GRIA4: variants seen among roughly 807,000 people sequenced by gnomAD.
GRIA4 encodes the protein glutamate receptor 4.
GRIA4 carries 34 observed loss-of-function variants against 104.0 expected under a neutral mutation model. The ratio of observed to expected loss-of-function variants is 0.33; its 90% CI spans 0.25 to 0.44. The LOEUF (loss-of-function observed/expected upper bound fraction) is 0.44, where lower values mean the gene tolerates loss of function less well. Ranked by LOEUF, GRIA4 falls within the 20% of genes least tolerant of loss-of-function variation. The pLI is 1.00. For missense variants in GRIA4, 750 were observed against 1,096.5 expected, an observed-to-expected ratio of 0.68 and a Z score of 4.46; for synonymous variants, 386 against 381.9, an observed-to-expected ratio of 1.01 and a Z score of -0.13.
At chr11:105,939,708 A>G (rs1487987689) in intron 14 of GRIA4, among the ~76,000 whole-genome samples, 1 of 152,208 alleles carries the variant, frequency 6.6e-6, no homozygotes, top group Non-Finnish European at 1.5e-5. Flanking sequence ...CATGACTTCT[A>G]TAAAGTGGCT....
intron 3 of GRIA4, among the ~76,000 whole-genome samples, chr11:105,648,995 C>T (rs1951612162): frequency 6.6e-6 from 1 of 152,170 alleles, no homozygotes; most frequent in Admixed American, 6.6e-5. Flanking sequence ...GTCCATTGCT[C>T]ATCACCTTCA....
intron 6 of GRIA4, among the ~76,000 whole-genome samples, chr11:105,896,094 T>C (rs949868825): frequency 2.0e-5 from 3 of 152,212 alleles, no homozygotes. Flanking sequence ...CAACATCTGC[T>C]ATTTCTTGAG....
intron 4 of GRIA4, among the ~76,000 whole-genome samples, chr11:105,772,297 TGTC>T (rs1319289667): frequency 1.3e-5 from 2 of 152,138 alleles, no homozygotes; most frequent in African/African-American, 4.8e-5. Flanking sequence ...GGCATAGAAA[TGTC>T]GTGACATTAC....
At chr11:105,924,884 A>G in intron 12 of GRIA4, 115 bp downstream of exon 12, 2 of 783,782 alleles carry the variant, frequency 2.6e-6, no homozygotes, top group Non-Finnish European at 4.0e-6. Flanking sequence ...GAAACACAGA[A>G]AAAGACTTGC....
intron 14 of GRIA4, among the ~76,000 whole-genome samples, chr11:105,946,218 T>A (rs1948308196): frequency 6.6e-6 from 1 of 152,224 alleles, no homozygotes; most frequent in Admixed American, 6.5e-5. Flanking sequence ...AAATCATTAG[T>A]ATTTCCTGAC....
chr11:105,859,935 A>G (rs1277531655), intron 4 of GRIA4, among the ~76,000 whole-genome samples: 1 of 152,150 alleles, frequency 6.6e-6, no homozygotes, highest in Non-Finnish European at 1.5e-5. Flanking sequence ...GCATGAACAT[A>G]TATATTAAGG....
chr11:105,829,229 C>A (rs1301675764), intron 4 of GRIA4, among the ~76,000 whole-genome samples: 1 of 151,892 alleles, frequency 6.6e-6, no homozygotes, highest in Non-Finnish European at 1.5e-5. Flanking sequence ...AGGCAGAGAG[C>A]CTTGAACTGA....
At chr11:105,936,254 A>G (rs1948032071) in intron 14 of GRIA4, among the ~76,000 whole-genome samples, 1 of 152,224 alleles carries the variant, frequency 6.6e-6, no homozygotes, top group Non-Finnish European at 1.5e-5. Context: ...CACCTTCTGT[A>G]TAAATGATTT....
rs771098071 is a variant in GRIA4 at position 105,910,555 on chromosome 11, G to T, written c.1269+10G>T. The T allele has an allele frequency of 4.5e-6, 6 of 1,342,170 alleles. No homozygotes were observed. Among genetic ancestry groups the T allele is most frequent in the Non-Finnish European group, 5.4e-6 (5 of 931,792 alleles). The allele number at this position is 1,342,170 out of a possible 1,614,324, so 83.1% of individuals were successfully genotyped here. ...TGTAACCACAATTATGGTAAGTGTT[G>T]GTCTATGCTTTATGGTGTTCCGTTT... On this transcript the variant is annotated intron_variant, in intron 10 of 16. Coordinates refer to ENST00000282499, the MANE Select transcript of GRIA4 (RefSeq NM_000829.4).
At chr11:105,970,826 C>T (rs1027510319) in intron 14 of GRIA4, among the ~76,000 whole-genome samples, 3 of 152,138 alleles carry the variant, frequency 2.0e-5, no homozygotes, top group African/African-American at 4.8e-5. Flanking sequence ...AACAAAAGAT[C>T]CTGAAACTTT....
chr11:105,805,745 T>A (rs968805050), intron 4 of GRIA4, among the ~76,000 whole-genome samples: 1 of 151,886 alleles, frequency 6.6e-6, no homozygotes, highest in African/African-American at 2.4e-5. Context: ...ACATTTCCAT[T>A]TTAGTAAGGA....
At chr11:105,636,651 A>T (rs1162770664) in intron 3 of GRIA4, among the ~76,000 whole-genome samples, 1 of 152,188 alleles carries the variant, frequency 6.6e-6, no homozygotes, top group African/African-American at 2.4e-5. Context: ...ATGCAGCCAT[A>T]TGGTGATACT....
intron 3 of GRIA4, among the ~76,000 whole-genome samples, chr11:105,743,764 C>T (rs778073557): frequency 6.6e-6 from 1 of 152,178 alleles, no homozygotes. Context: ...CAGGCTATCA[C>T]CCAAGGTGAT....
At chr11:105,648,000 A>G (rs1166344813) in intron 3 of GRIA4, among the ~76,000 whole-genome samples, 6 of 151,974 alleles carry the variant, frequency 3.9e-5, no homozygotes, top group Non-Finnish European at 8.8e-5. Flanking sequence ...ATAGTCATAA[A>G]TTACTAATGA....
At chr11:105,917,815 GGTGTGTGTGTGT>G (rs147308478) in intron 10 of GRIA4, among the ~76,000 whole-genome samples, 9 of 142,780 alleles carry the variant, frequency 6.3e-5, no homozygotes, top group Admixed American at 1.4e-4. Context: ...TTGGTTTAAG[GGTGTGTGTGTGT>G]GTGTGTGTGT....
Position 105,769,766 on chromosome 11 carries a change from C to G in GRIA4, c.487+16546C>G, listed in dbSNP as rs191984842. Among the ~76,000 whole-genome samples, 8 of 152,104 alleles carry G rather than the reference C, an allele frequency of 5.3e-5. No individual in the cohort carries two copies. The East Asian group carries it at 1.5e-3, about 29-fold the overall frequency. On this transcript the variant is annotated intron_variant, in intron 4 of 16. Coordinates refer to ENST00000282499, the MANE Select transcript of GRIA4 (RefSeq NM_000829.4). ...ACTAACCAGGAAAGTCACAATGTGA[C>G]ACATGAACAAGTGAAAATGAGCATA...
At chr11:105,742,957 G>C (rs1939407470) in intron 3 of GRIA4, among the ~76,000 whole-genome samples, 1 of 151,958 alleles carries the variant, frequency 6.6e-6, no homozygotes, top group Non-Finnish European at 1.5e-5. Context: ...GGCTGGTCTC[G>C]GACTCCTGGC....
At chr11:105,614,796 G>C (rs894496147) in intron 3 of GRIA4, among the ~76,000 whole-genome samples, 1 of 151,882 alleles carries the variant, frequency 6.6e-6, no homozygotes, top group African/African-American at 2.4e-5. Context: ...AAGAGTGTGG[G>C]TCAGGTGATT....
chr11:105,751,729 G>T (rs1201067072), intron 3 of GRIA4, among the ~76,000 whole-genome samples: 3 of 152,090 alleles, frequency 2.0e-5, no homozygotes, highest in Non-Finnish European at 4.4e-5. Flanking sequence ...TCATTAAAAA[G>T]TAAAACTATT....
Sources: allele counts gnomAD v4.1 joint callset (sites outside exome capture counted in the v4.1 genomes callset), GRCh38; gene constraint gnomAD v4.1.1; transcripts MANE v1.5; gene names NCBI Gene and HGNC (gene_info 2026-07-23, HGNC 2026-07-21).